The following ALAS1 variants were observed in gnomAD, a reference collection of about 807,000 sequenced individuals.
The protein encoded by ALAS1 is 5'-aminolevulinate synthase 1.
Under a neutral mutation model 59.6 loss-of-function variants are expected in ALAS1, and 29 were observed. The observed-to-expected ratio is 0.49, with a 90% CI of 0.36 to 0.66. ALAS1 has a LOEUF of 0.66. Among genes scored for constraint, ALAS1 ranks in the 30% least tolerant of loss-of-function variants. The pLI, the probability that ALAS1 is intolerant of heterozygous loss-of-function variation, is 0.00. For missense variants in ALAS1, 690 were observed against 807.5 expected (o/e 0.85, Z 1.76); for synonymous variants, 299 against 296.6 (o/e 1.01, Z -0.08).
chr3:52,198,365 T>G (rs1699112897), intron 1 of ALAS1, 110 bp downstream of exon 1: 1 of 418,710 alleles, frequency 2.4e-6, no homozygotes, highest in Non-Finnish European at 4.2e-6. Context: ...ACTGTCCCAG[T>G]CACCCGCCGC....
rs1699122938 is a variant in ALAS1, at chr3:52,198,726, A to G, written c.-155A>G. On this transcript the variant is annotated 5_prime_UTR_variant, in exon 2 of 12. Coordinates refer to ENST00000484952, the MANE Select transcript of ALAS1 (RefSeq NM_000688.6). ...ACGACCACGGAGGAATCCTTGCTTC[A>G]GGGACTCGGGACCCTGCTGGACCCC... is the stretch of plus-strand genomic sequence containing the variant. 2 of 1,349,112 alleles carry G rather than the reference A, an allele frequency of 1.5e-6. No individual in the cohort carries two copies. Among genetic ancestry groups the G allele is most frequent in the South Asian group, 2.5e-5 (2 of 80,120 alleles). 83.6% of individuals were successfully genotyped at this position (1,349,112 alleles called of 1,614,324 possible).
At chr3:52,209,923 G>GC (rs1390677562) in intron 9 of ALAS1, among the ~76,000 whole-genome samples, 2 of 152,058 alleles carry the variant, frequency 1.3e-5, no homozygotes, top group African/African-American at 4.8e-5. Context: ...CAAGTGATTT[G>GC]CCCCCCTCGG....
In ALAS1 at chr3:52,199,390, C is replaced by G. The variant is rs151190937; in HGVS notation, c.149C>G (p.Thr50Ser). 5.6e-6 allele frequency: 9 copies of G among 1,614,104 alleles called. No individual in the cohort carries two copies. The Middle Eastern group carries it at 4.9e-4, about 88-fold the overall frequency. ...AAGCCAGCCCCTCGGGCATTGTCCACTGCAGCAGTACACTACCAACAGATC... is the reference window on the plus strand; with the variant it reads ...AAGCCAGCCCCTCGGGCATTGTCCAGTGCAGCAGTACACTACCAACAGATC... ...GAKPAPRALS[T>S]AAVHYQQIKE... The change falls in exon 3 of 12, where the codon ACT becomes AGT. Residue 50 changes from threonine to serine, a missense_variant. By Grantham distance (58) the Thr-to-Ser change is moderately conservative. Transcript: ENST00000484952.
Position 52,214,136 on chromosome 3 carries a change from T to A in ALAS1, c.1879T>A (p.Ser627Thr), listed in dbSNP as rs1356566824. ...TGAAGTGATGAGTGAAAGAGAGAAG[T>A]CCTATTTCTCAGGCTTGAGCAAGTT... ...HFEVMSEREKSYFSGLSKLVS... is the reference protein window; with the variant it reads ...HFEVMSEREKTYFSGLSKLVS... The change falls in exon 12 of 12, where the codon TCC becomes ACC. Residue 627 changes from serine (S) to threonine (T), a missense_variant. Transcript: ENST00000484952. 3 of 1,613,378 alleles carry A rather than the reference T, an allele frequency of 1.9e-6. No homozygotes were observed. Among genetic ancestry groups the A allele is most frequent in the Non-Finnish European group, 2.5e-6 (3 of 1,179,428 alleles).
chr3:52,212,038 T>C lies in ALAS1; in HGVS notation c.1600-220T>C, dbSNP rs376464032. ...AGTGTTTTCTGATTAAAAATGTATT[T>C]CTTTTTAATAAGGTTTTGGTTCCCT... On this transcript the variant is annotated intron_variant, in intron 10 of 11. Coordinates refer to ENST00000484952, the MANE Select transcript of ALAS1 (RefSeq NM_000688.6). Among the ~76,000 whole-genome samples the C allele has an allele frequency of 2.6e-5, 4 of 152,314 alleles. No individual in the cohort carries two copies. In the East Asian group the frequency reaches 5.8e-4, roughly 22 times the overall value.
chr3:52,208,846 G>A (rs1208674898), intron 9 of ALAS1, among the ~76,000 whole-genome samples: 2 of 152,190 alleles, frequency 1.3e-5, no homozygotes, highest in African/African-American at 4.8e-5. Flanking sequence ...CAAAATATAT[G>A]TGGAGAAGGT....
At chr3:52,204,261 A>G (rs897379910) in intron 5 of ALAS1, among the ~76,000 whole-genome samples, 5 of 152,174 alleles carry the variant, frequency 3.3e-5, no homozygotes, top group Middle Eastern at 3.2e-3. Flanking sequence ...GCTTGCATCT[A>G]TAGTCCCAGC....
chr3:52,201,204 A>AGGTG (rs1699179633), intron 3 of ALAS1, among the ~76,000 whole-genome samples: 2 of 152,236 alleles, frequency 1.3e-5, no homozygotes, highest in Non-Finnish European at 2.9e-5. Context: ...AAGGTGAATG[A>AGGTG]ATTTGCTCAA....
chr3:52,208,214 A>G lies in ALAS1; in HGVS notation c.1297A>G (p.Met433Val). 6.2e-7 allele frequency: 1 copy of G among 1,614,236 alleles called. No individual in the cohort carries two copies. The highest frequency in any genetic ancestry group is 8.5e-7 in the Non-Finnish European group (1 of 1,180,030). ...AGGGATTGGGGATCGGGATGGAGTC[A>G]TGCCAAAAATGGACATCATTTCTGG... ...GGGIGDRDGV[M>V]PKMDIISGTL... Residue 433 changes from methionine (M) to valine (V), a missense_variant, in exon 9 of 12, where the codon ATG becomes GTG. By Grantham distance (21) the Met-to-Val change is conservative. Coordinates refer to ENST00000484952, the MANE Select transcript of ALAS1 (RefSeq NM_000688.6).
intron 11 of ALAS1, among the ~76,000 whole-genome samples, chr3:52,212,960 G>A (rs761993549): frequency 5.9e-5 from 9 of 152,126 alleles, no homozygotes; most frequent in Admixed American, 1.3e-4. Context: ...CTGGGAATCC[G>A]CTCAGTGTTT....
At chr3:52,199,466 C>T in intron 3 of ALAS1, 26 bp downstream of exon 3, 1 of 1,602,790 alleles carries the variant, frequency 6.2e-7, no homozygotes, top group Non-Finnish European at 8.5e-7. Context: ...AATGAAGGAG[C>T]AGGTATGGGT....
intron 4 of ALAS1, among the ~76,000 whole-genome samples, chr3:52,203,411 C>T (rs1472602377): frequency 6.6e-6 from 1 of 152,122 alleles, no homozygotes; most frequent in Admixed American, 6.6e-5. Flanking sequence ...CATGATGGCG[C>T]ATGCCTATAG....
intron 3 of ALAS1, among the ~76,000 whole-genome samples, chr3:52,202,100 A>G (rs758582639): frequency 6.6e-6 from 1 of 152,246 alleles, no homozygotes; most frequent in Non-Finnish European, 1.5e-5. Flanking sequence ...CTATAATCCC[A>G]GCACTTTGGG....
chr3:52,211,201 T>G, intron 9 of ALAS1, 82 bp from the exon 10 acceptor site: 2 of 1,508,240 alleles, frequency 1.3e-6, no homozygotes, highest in Non-Finnish European at 1.8e-6. Flanking sequence ...AGTCAGTGCT[T>G]TGAGGCTCCA....
intron 11 of ALAS1, among the ~76,000 whole-genome samples, chr3:52,213,322 C>G (rs973563759): frequency 1.3e-5 from 2 of 152,178 alleles, no homozygotes; most frequent in Admixed American, 1.3e-4. Flanking sequence ...CTCACAGGCT[C>G]TCTGTTCTGT....
chr3:52,200,548 G>A (rs886901034), intron 3 of ALAS1, among the ~76,000 whole-genome samples: 3 of 152,140 alleles, frequency 2.0e-5, no homozygotes, highest in Non-Finnish European at 4.4e-5. Flanking sequence ...GACCAGCCTG[G>A]CCACATGGTG....
Position 52,202,630 on chromosome 3 carries a change from G to A in ALAS1, c.323G>A (p.Cys108Tyr). ...PATSQGTASK[C>Y]PFLAAQMNQR... ...ACAAGCCAGGGCACTGCAAGCAAAT[G>A]CCCTTTCCTGGCAGCACAGATGAAT... Residue 108 changes from cysteine (C) to tyrosine (Y), a missense_variant, in exon 4 of 12, where the codon TGC (cysteine) becomes TAC (tyrosine). Cys to Tyr is a radical substitution (Grantham distance 194, BLOSUM62 -2). Coordinates refer to ENST00000484952, the MANE Select transcript of ALAS1 (RefSeq NM_000688.6). 2 of 1,614,162 alleles carry A rather than the reference G, an allele frequency of 1.2e-6. No homozygotes were observed. The highest frequency in any genetic ancestry group is 8.5e-7 in the Non-Finnish European group (1 of 1,180,028).
intron 9 of ALAS1, 131 bp downstream of exon 9, chr3:52,208,378 GC>G: frequency 2.0e-6 from 2 of 1,019,186 alleles, no homozygotes; most frequent in Non-Finnish European, 2.8e-6. Flanking sequence ...CTTTCTTTTG[GC>G]CCAGCTTAGT....
At position 52,208,069 on chromosome 3, in the gene ALAS1, T is replaced by C. The variant is rs202018452; in HGVS notation, c.1166-14T>C. 414 of 1,539,768 alleles carry C rather than the reference T, an allele frequency of 2.7e-4. 1 individual carries two copies. Among genetic ancestry groups the C allele is most frequent in the Middle Eastern group, 1.7e-3 (9 of 5,354 alleles). Reference sequence around the variant, plus strand: ...GGCAAAAGCTCTTCAGAGCAGTCTCTGGTCTTTCCTCAGGGGCGGTGTGCC... The same window carrying C: ...GGCAAAAGCTCTTCAGAGCAGTCTCCGGTCTTTCCTCAGGGGCGGTGTGCC... On this transcript the variant is annotated splice_polypyrimidine_tract_variant and intron_variant, in intron 8 of 11. Transcript: ENST00000484952.
Sources: allele counts gnomAD v4.1 joint callset (sites outside exome capture counted in the v4.1 genomes callset), GRCh38; gene constraint gnomAD v4.1.1; transcripts MANE v1.5; gene names NCBI Gene and HGNC (gene_info 2026-07-23, HGNC 2026-07-21).